Variants in AP1M2 observed in about 807,000 individuals in gnomAD.
The protein encoded by AP1M2 is adaptor related protein complex 1 subunit mu 2.
Under a neutral mutation model 54.6 loss-of-function variants are expected in AP1M2, and 41 were observed. That is an observed-to-expected ratio of 0.75 (90% confidence interval 0.59 to 0.97). The LOEUF is 0.97. Among genes scored for constraint, AP1M2 ranks in the 50% least tolerant of loss-of-function variants. The probability of loss-of-function intolerance (pLI) is 0.00; values close to 1 mark genes in which losing one functional copy is unlikely to be tolerated. For synonymous variants in AP1M2, 219 were observed against 215.9 expected (o/e 1.01, Z -0.13); for missense variants, 507 against 561.2 (o/e 0.90, Z 0.98).
Position 10,573,731 on chromosome 19 carries a change from A to G in AP1M2, c.1250-643T>C, listed in dbSNP as rs142735910. On this transcript the variant is annotated intron_variant, in intron 11 of 11. Coordinates refer to ENST00000250244, the MANE Select transcript of AP1M2 (RefSeq NM_005498.5). ...GGATGGAGTGCAGTGGTGCAATCAC[A>G]GCTCACTACAGCCTCGACCTCCTGG... Among the ~76,000 whole-genome samples, 745 of 142,616 alleles carry G rather than the reference A, an allele frequency of 5.2e-3. 14 individuals carry two copies. The highest frequency in any genetic ancestry group is 0.039 in the East Asian group (189 of 4,794). 93.6% of individuals were successfully genotyped at this position (142,616 alleles called of 152,430 possible).
At chr19:10,581,162 A>C in intron 6 of AP1M2, 104 bp downstream of exon 6, 2 of 1,454,428 alleles carry the variant, frequency 1.4e-6, no homozygotes, top group Non-Finnish European at 1.8e-6. Context: ...ATGGTGAGCG[A>C]GCGCTTATTT....
chr19:10,583,683 C>G lies in AP1M2; in HGVS notation c.200-10G>C. 6.2e-7 allele frequency: 1 copy of G among 1,612,426 alleles called. No individual in the cohort carries two copies. Among genetic ancestry groups the G allele is most frequent in the Non-Finnish European group, 8.5e-7 (1 of 1,178,928 alleles). ...GATGTGGTGGCCACCACTGGGGCAGCAAGGTTAAGGAAAAGGTGCCATTTA... is the reference window on the plus strand; with the variant it reads ...GATGTGGTGGCCACCACTGGGGCAGGAAGGTTAAGGAAAAGGTGCCATTTA... On this transcript the variant is annotated splice_polypyrimidine_tract_variant and intron_variant, in intron 2 of 11. Transcript: ENST00000250244.
chr19:10,573,858 G>A (rs1022854073), intron 11 of AP1M2, among the ~76,000 whole-genome samples: 1 of 151,252 alleles, frequency 6.6e-6, no homozygotes, highest in African/African-American at 2.4e-5. Flanking sequence ...AAGGGGTTTT[G>A]CTGTGTTGCC....
chr19:10,583,017 G>A (rs1165625276), intron 3 of AP1M2, among the ~76,000 whole-genome samples: 1 of 151,850 alleles, frequency 6.6e-6, no homozygotes, highest in Non-Finnish European at 1.5e-5. Context: ...GTAGAGAAGG[G>A]GTTTCTGCAT....
intron 1 of AP1M2, among the ~76,000 whole-genome samples, chr19:10,585,296 A>AAAG (rs745848849): frequency 1.6e-5 from 2 of 126,240 alleles, no homozygotes; most frequent in Admixed American, 7.7e-5. Context: ...AGAAAGAAAG[A>AAAG]AAGAAAGAAA....
chr19:10,575,168 A>G lies in AP1M2; in HGVS notation c.1048-139T>C, dbSNP rs574803385. The G allele has an allele frequency of 3.1e-6, 3 of 981,024 alleles. No individual in the cohort carries two copies. The South Asian group carries it at 8.4e-5, about 28-fold the overall frequency. The allele number at this position is 981,024 out of a possible 1,614,324, so 60.8% of individuals were successfully genotyped here. ...ATAAAGGCTCCTTAGCCTGGGCAACATATTGAGATACCATGTCTACAAAAA... is the reference window on the plus strand; with the variant it reads ...ATAAAGGCTCCTTAGCCTGGGCAACGTATTGAGATACCATGTCTACAAAAA... On this transcript the variant is annotated intron_variant, in intron 9 of 11. Coordinates refer to ENST00000250244, the MANE Select transcript of AP1M2 (RefSeq NM_005498.5).
intron 11 of AP1M2, among the ~76,000 whole-genome samples, chr19:10,573,660 C>CTTTTTTTTTTTTT (rs35697396): frequency 9.1e-6 from 1 of 109,470 alleles, no homozygotes; most frequent in Non-Finnish European, 1.8e-5. Context: ...CTTTTTTTTC[C>CTTTTTTTTTTTTT]TTTTTTTTTT....
Position 10,578,914 on chromosome 19 carries a change from C to T in AP1M2, c.866G>A (p.Ser289Asn). The T allele has an allele frequency of 6.2e-7, 1 of 1,608,418 alleles. No homozygotes were observed. The highest frequency in any genetic ancestry group is 8.5e-7 in the Non-Finnish European group (1 of 1,177,486). Residue 289 changes from serine (S) to asparagine (N), a missense_variant, in exon 8 of 12, where the codon AGC becomes AAC. Transcript: ENST00000250244. Reference sequence around the variant, plus strand: ...CACCTTGACCATGATCTCCACGCGGCTGTGGGAGAACTTCTCAATGACAGA... The same window carrying T: ...CACCTTGACCATGATCTCCACGCGGTTGTGGGAGAACTTCTCAATGACAGA... ...IESVIEKFSH[S>N]RVEIMVKAKG...
At chr19:10,576,043 GA>G (rs1194317939) in intron 9 of AP1M2, among the ~76,000 whole-genome samples, 42 of 149,572 alleles carry the variant, frequency 2.8e-4, no homozygotes, top group African/African-American at 1.0e-3. Context: ...AAAGTGCTGG[GA>G]ATTACAGGCG....
intron 9 of AP1M2, among the ~76,000 whole-genome samples, chr19:10,576,280 T>G (rs1470273559): frequency 7.2e-6 from 1 of 138,902 alleles, no homozygotes; most frequent in Non-Finnish European, 1.6e-5. Flanking sequence ...TTTTTTTTTT[T>G]GAAATGGAGT....
At chr19:10,585,281 A>C (rs1917602705) in intron 1 of AP1M2, among the ~76,000 whole-genome samples, 1 of 21,490 alleles carries the variant, frequency 4.7e-5, no homozygotes, top group Admixed American at 3.6e-4. Context: ...AGAAAGAAGA[A>C]AAAAAGAAAG....
At position 10,583,961 on chromosome 19, in the gene AP1M2, C is replaced by G. The variant is rs758411907; in HGVS notation, c.152G>C (p.Ser51Thr). 1.0e-5 allele frequency: 16 copies of G among 1,603,820 alleles called. No homozygotes were observed. Among genetic ancestry groups the G allele is most frequent in the Non-Finnish European group, 1.4e-5 (16 of 1,175,424 alleles). Reference protein sequence around the residue: ...EEEGALAPLLSHGQVHFLWIK... With the variant: ...EEEGALAPLLTHGQVHFLWIK... ...CCATAGGAAGTGGACCTGGCCGTGG[C>G]TCAGCAGCGGGGCCAGGGCGCCTTC... The change falls in exon 2 of 12, where the codon AGC (serine) becomes ACC (threonine). Residue 51 changes from serine (S) to threonine (T), a missense_variant. Ser to Thr is a moderately conservative substitution (Grantham distance 58). Transcript: ENST00000250244.
At chr19:10,577,165 C>T (rs1380442456) in intron 9 of AP1M2, 33 bp downstream of exon 9, 3 of 1,582,530 alleles carry the variant, frequency 1.9e-6, no homozygotes, top group Non-Finnish European at 1.7e-6. Flanking sequence ...GTCCCCTCCA[C>T]CCCCAGATCC....
In AP1M2 at chr19:10,583,943, A is replaced by C. The variant is rs1917548619; in HGVS notation, c.170T>G (p.Phe57Cys). 17 of 1,601,896 alleles carry C rather than the reference A, an allele frequency of 1.1e-5. No homozygotes were observed. Among genetic ancestry groups the C allele is most frequent in the Non-Finnish European group, 1.4e-5 (16 of 1,174,556 alleles). ...GAGGTTGCTGTGTTTGATCCATAGGAAGTGGACCTGGCCGTGGCTCAGCAG... is the reference window on the plus strand; with the variant it reads ...GAGGTTGCTGTGTTTGATCCATAGGCAGTGGACCTGGCCGTGGCTCAGCAG... Reference protein sequence around the residue: ...APLLSHGQVHFLWIKHSNLYL... With the variant: ...APLLSHGQVHCLWIKHSNLYL... Residue 57 changes from phenylalanine (F) to cysteine (C), a missense_variant, in exon 2 of 12, where the codon TTC becomes TGC. By Grantham distance (205) the Phe-to-Cys change is radical (BLOSUM62 -2). Transcript: ENST00000250244.
intron 7 of AP1M2, 75 bp from the exon 8 acceptor site, chr19:10,579,038 T>C (rs1296652991): frequency 2.0e-5 from 24 of 1,191,546 alleles, no homozygotes; most frequent in Admixed American, 4.8e-5. Flanking sequence ...TTTTTTTCTT[T>C]CTTTGAGACA....
rs777294163 is a variant in AP1M2 at position 10,579,809 on chromosome 19, G to A, written c.723C>T (p.Cys241=). The change falls in exon 7 of 12, where the codon TGC becomes TGT. Residue 241 remains cysteine, a synonymous_variant. Coordinates refer to ENST00000250244, the MANE Select transcript of AP1M2 (RefSeq NM_005498.5). Reference sequence around the variant, plus strand: ...CGTTGTCAAAGCGAGAGAGCCGCACGCACTGGTGGAATTTTACATCCTCCA... The same window carrying A: ...CGTTGTCAAAGCGAGAGAGCCGCACACACTGGTGGAATTTTACATCCTCCA... The part of the protein sequence containing the change: ...VELEDVKFHQ[C]VRLSRFDNDR... 2.0e-5 allele frequency: 32 copies of A among 1,613,252 alleles called. No homozygotes were observed. The highest frequency in any genetic ancestry group is 6.6e-5 in the South Asian group (6 of 90,976).
chr19:10,574,358 G>C (rs114991947), intron 11 of AP1M2, 59 bp downstream of exon 11: 1 of 1,345,278 alleles, frequency 7.4e-7, no homozygotes, highest in Non-Finnish European at 1.0e-6. Flanking sequence ...TGAAAGCCTC[G>C]AGTCCCTACC....
intron 3 of AP1M2, 89 bp from the exon 4 acceptor site, chr19:10,581,967 G>GCCTC: frequency 1.4e-6 from 2 of 1,395,538 alleles, no homozygotes; most frequent in Non-Finnish European, 1.9e-6. Flanking sequence ...ACCTTGGGAG[G>GCCTC]CCAAGGCACG....
At chr19:10,580,390 G>A (rs1268657500) in intron 6 of AP1M2, among the ~76,000 whole-genome samples, 1 of 152,018 alleles carries the variant, frequency 6.6e-6, no homozygotes, top group Non-Finnish European at 1.5e-5. Context: ...GGCCTGGCGT[G>A]GTGGCTCACG....
Sources: allele counts gnomAD v4.1 joint callset (sites outside exome capture counted in the v4.1 genomes callset), GRCh38; gene constraint gnomAD v4.1.1; transcripts MANE v1.5; gene names NCBI Gene and HGNC (gene_info 2026-07-23, HGNC 2026-07-21).